OR6C75: variants seen among roughly 807,000 people sequenced by gnomAD.
The protein encoded by OR6C75 is olfactory receptor family 6 subfamily C member 75.
For synonymous variants in OR6C75, 149 were observed against 130.6 expected (o/e 1.14, Z -0.96); for missense variants, 380 against 368.0 (o/e 1.03, Z -0.27).
chr12:55,366,754 C>A lies in OR6C75; in HGVS notation c.*705C>A, dbSNP rs1869815160. 1.3e-5 allele frequency: 2 copies of A among 152,014 alleles called. No individual in the cohort carries two copies. Among genetic ancestry groups the A allele is most frequent in the South Asian group, 2.1e-4 (1 of 4,822 alleles). The allele number at this position is 152,014 out of a possible 1,614,324, so 9.4% of individuals were successfully genotyped here. On this transcript the variant is annotated 3_prime_UTR_variant, in exon 3 of 3. Coordinates refer to ENST00000641576, the MANE Select transcript of OR6C75 (RefSeq NM_001005497.2). ...TGTTGTTTGAATTAAGGCTGTATTA[C>A]TTTTTGTCTTAGCTTTCCTAGAAAA...
rs1869805024 is a variant in OR6C75 at position 55,366,341 on chromosome 12, T to A, written c.*292T>A. On this transcript the variant is annotated 3_prime_UTR_variant, in exon 3 of 3. Coordinates refer to ENST00000641576, the MANE Select transcript of OR6C75 (RefSeq NM_001005497.2). ...GATATACCTAAGGCTAGATGACGAG[T>A]TAGTGGGTGCAGCGCACCAGCATGG... 1 of 226,820 alleles carries A rather than the reference T, an allele frequency of 4.4e-6. No homozygotes were observed. The highest frequency in any genetic ancestry group is 8.7e-6 in the Non-Finnish European group (1 of 115,026). The allele number at this position is 226,820 out of a possible 1,614,324, so 14.1% of individuals were successfully genotyped here.
chr12:55,363,999 G>C (rs1417802331), intron 2 of OR6C75, 117 bp downstream of exon 2: 1 of 138,986 alleles, frequency 7.2e-6, no homozygotes, highest in Non-Finnish European at 1.5e-5. Context: ...TTTTTTCCGA[G>C]ACGGAGTCTG....
Position 55,363,874 on chromosome 12 carries a change from A to C in OR6C75, c.-244A>C, listed in dbSNP as rs946587468. ...AATGAAGGAAATACAGAAATAATTG[A>C]TTTATAAGGTAACAACAGAATTTTT... On this transcript the variant is annotated 5_prime_UTR_variant, in exon 2 of 3. Transcript: ENST00000641576. The C allele has an allele frequency of 6.6e-6, 1 of 152,082 alleles. No individual in the cohort carries two copies. Among genetic ancestry groups the C allele is most frequent in the African/African-American group, 2.4e-5 (1 of 41,434 alleles). 9.4% of individuals were successfully genotyped at this position (152,082 alleles called of 1,614,324 possible).
In OR6C75 at chr12:55,366,700, G is replaced by A. The variant is rs1413867750; in HGVS notation, c.*651G>A. On this transcript the variant is annotated 3_prime_UTR_variant, in exon 3 of 3. Coordinates refer to ENST00000641576, the MANE Select transcript of OR6C75 (RefSeq NM_001005497.2). ...ATGTGTGTAAACATTAAATAAAAGT[G>A]TAAGACAAATGTGCAGAGATATTAT... The A allele has an allele frequency of 6.6e-6, 1 of 152,050 alleles. No individual in the cohort carries two copies. Among genetic ancestry groups the A allele is most frequent in the Non-Finnish European group, 1.5e-5 (1 of 67,990 alleles). 9.4% of individuals were successfully genotyped at this position (152,050 alleles called of 1,614,324 possible). A position where few individuals can be genotyped will look rare whatever the true frequency, so the allele number is the denominator to read the frequency against.
At chr12:55,363,202 G>A (rs1869710518) in intron 1 of OR6C75, among the ~76,000 whole-genome samples, 153 bp downstream of exon 1, 1 of 152,082 alleles carries the variant, frequency 6.6e-6, no homozygotes, top group African/African-American at 2.4e-5. Context: ...AATACAAGAT[G>A]ATAGAGGAGA....
chr12:55,364,312 C>CTTTTTTTTTTTTTTCTT (rs1869739654), intron 2 of OR6C75, among the ~76,000 whole-genome samples: 1 of 17,164 alleles, frequency 5.8e-5, no homozygotes, highest in Non-Finnish European at 1.3e-4. Flanking sequence ...GTTTCTTTTC[C>CTTTTTTTTTTTTTTCTT]TTTTTTTTTT....
rs1318629901 is a variant in OR6C75 at position 55,365,204 on chromosome 12, A to T, written c.94A>T (p.Thr32Ser). The stretch of plus-strand genomic sequence containing the variant: ...TGTACTTTTCATATTTCTTCTTGTT[A>T]CCTACATGTTAAGTGTGACTGGGAA... ...QVVLFIFLLV[T>S]YMLSVTGNLI... Residue 32 changes from threonine (T) to serine (S), a missense_variant, in exon 3 of 3, where the codon ACC becomes TCC. Transcript: ENST00000641576. 1.9e-6 allele frequency: 3 copies of T among 1,612,516 alleles called. No homozygotes were observed. Among genetic ancestry groups the T allele is most frequent in the East Asian group, 2.2e-5 (1 of 44,884 alleles).
rs560533820 is a variant in OR6C75 at position 55,365,769 on chromosome 12, T to C, written c.659T>C (p.Ile220Thr). 1 of 1,614,012 alleles carries C rather than the reference T, an allele frequency of 6.2e-7. No homozygotes were observed. ...GTTATTCTCTCCTACACAAACATCA[T>C]CCGGACAATTCTGAAAATTCCTTCT... ...TLVILSYTNIIRTILKIPSMS... is the reference protein window; with the variant it reads ...TLVILSYTNITRTILKIPSMS... The change falls in exon 3 of 3, where the codon ATC becomes ACC. Residue 220 changes from isoleucine to threonine, a missense_variant. Ile to Thr is a moderately conservative substitution (Grantham distance 89). Transcript: ENST00000641576.
chr12:55,368,072 G>C lies in OR6C75; in HGVS notation c.*2023G>C, dbSNP rs1311317407. 6.6e-6 allele frequency: 1 copy of C among 152,254 alleles called. No homozygotes were observed. The highest frequency in any genetic ancestry group is 1.5e-5 in the Non-Finnish European group (1 of 68,134). The allele number at this position is 152,254 out of a possible 1,614,324, so 9.4% of individuals were successfully genotyped here. On this transcript the variant is annotated 3_prime_UTR_variant, in exon 3 of 3. Coordinates refer to ENST00000641576, the MANE Select transcript of OR6C75 (RefSeq NM_001005497.2). ...TACACCTGTGGTCCCAGCTACTCAA[G>C]AAGATGAGGTGGGAGAATTGCTTGG...
Position 55,365,889 on chromosome 12 carries a change from C to A in OR6C75, c.779C>A (p.Thr260Asn), listed in dbSNP as rs1869790757. 6.2e-7 allele frequency: 1 copy of A among 1,613,930 alleles called. No homozygotes were observed. The highest frequency in any genetic ancestry group is 8.5e-7 in the Non-Finnish European group (1 of 1,179,944). The change falls in exon 3 of 3, where the codon ACT becomes AAT. Residue 260 changes from threonine to asparagine, a missense_variant. By Grantham distance (65) the Thr-to-Asn change is moderately conservative. Coordinates refer to ENST00000641576, the MANE Select transcript of OR6C75 (RefSeq NM_001005497.2). Reference sequence around the variant, plus strand: ...AGCTGTATCTTCATGTACATTAAGACTTCTGCCAGAGAAAGGGTGACTTTA... The same window carrying A: ...AGCTGTATCTTCATGTACATTAAGAATTCTGCCAGAGAAAGGGTGACTTTA... ...YSSCIFMYIK[T>N]SARERVTLSK...
intron 2 of OR6C75, among the ~76,000 whole-genome samples, 169 bp from the exon 3 acceptor site, chr12:55,364,707 C>A (rs7487798): frequency 3.9e-5 from 6 of 151,984 alleles, no homozygotes; most frequent in Non-Finnish European, 8.8e-5. Flanking sequence ...GGATTACTAC[C>A]TCCAAGCAAA....
chr12:55,368,743 T>C lies in OR6C75; in HGVS notation c.*2694T>C, dbSNP rs1446867599. 1 of 152,232 alleles carries C rather than the reference T, an allele frequency of 6.6e-6. No homozygotes were observed. The highest frequency in any genetic ancestry group is 6.5e-5 in the Admixed American group (1 of 15,268). The allele number at this position is 152,232 out of a possible 1,614,324, so 9.4% of individuals were successfully genotyped here. Reference sequence around the variant, plus strand: ...TGATTCCTTGATTTTCAGCTTTGTCTGATATACAGGTGAATGTAAAGAGCT... The same window carrying C: ...TGATTCCTTGATTTTCAGCTTTGTCCGATATACAGGTGAATGTAAAGAGCT... On this transcript the variant is annotated 3_prime_UTR_variant, in exon 3 of 3. Coordinates refer to ENST00000641576, the MANE Select transcript of OR6C75 (RefSeq NM_001005497.2).
Position 55,368,293 on chromosome 12 carries a change from C to G in OR6C75, c.*2244C>G, listed in dbSNP as rs1236976238. The stretch of plus-strand genomic sequence containing the variant: ...AGGAGTTCAAGACCAGCCTGGACAG[C>G]ATAGCAAGACCCTATCTCTACTTAA... On this transcript the variant is annotated 3_prime_UTR_variant, in exon 3 of 3. Coordinates refer to ENST00000641576, the MANE Select transcript of OR6C75 (RefSeq NM_001005497.2). The G allele has an allele frequency of 1.3e-5, 2 of 151,940 alleles. No individual in the cohort carries two copies. Among genetic ancestry groups the G allele is most frequent in the South Asian group, 2.1e-4 (1 of 4,810 alleles). The allele number at this position is 151,940 out of a possible 1,614,324, so 9.4% of individuals were successfully genotyped here. A position where few individuals can be genotyped will look rare whatever the true frequency, so the allele number is the denominator to read the frequency against.
In OR6C75 at chr12:55,366,590, T is replaced by C. The variant is rs1413957935; in HGVS notation, c.*541T>C. The C allele has an allele frequency of 6.6e-6, 1 of 152,108 alleles. No individual in the cohort carries two copies. The highest frequency in any genetic ancestry group is 2.4e-5 in the African/African-American group (1 of 41,460). The allele number at this position is 152,108 out of a possible 1,614,324, so 9.4% of individuals were successfully genotyped here. ...TAATTAATATATCTAAAATTTTTTCTTCAATGTCACCAGGAAAAACATGTT... is the reference window on the plus strand; with the variant it reads ...TAATTAATATATCTAAAATTTTTTCCTCAATGTCACCAGGAAAAACATGTT... On this transcript the variant is annotated 3_prime_UTR_variant, in exon 3 of 3. Transcript: ENST00000641576.
In OR6C75 at chr12:55,364,083, A is replaced by G. The variant is rs138532840; in HGVS notation, c.-236+201A>G. On this transcript the variant is annotated intron_variant, in intron 2 of 2. Coordinates refer to ENST00000641576, the MANE Select transcript of OR6C75 (RefSeq NM_001005497.2). ...AACCTCCGCCTCCTGGGTTCAAGCA[A>G]TTCTCCTGCCTCAGCCTCTGGAGTA... Among the ~76,000 whole-genome samples the G allele has an allele frequency of 3.6e-3, 544 of 150,516 alleles. 6 individuals are homozygous for G. The highest frequency in any genetic ancestry group is 0.013 in the African/African-American group (527 of 40,892).
chr12:55,367,835 GTAGCATT>G lies in OR6C75; in HGVS notation c.*1788_*1794del, dbSNP rs1274343934. ...ATATAAAATCAACATAGAAAAGTCA[GTAGCATT>G]TCTATACACCAATAACATTCAAGCT... On this transcript the variant is annotated 3_prime_UTR_variant, in exon 3 of 3. Coordinates refer to ENST00000641576, the MANE Select transcript of OR6C75 (RefSeq NM_001005497.2). 6.6e-6 allele frequency: 1 copy of G among 152,132 alleles called. No individual in the cohort carries two copies. The highest frequency in any genetic ancestry group is 2.4e-5 in the African/African-American group (1 of 41,436). 9.4% of individuals were successfully genotyped at this position (152,132 alleles called of 1,614,324 possible).
chr12:55,365,326 G>A lies in OR6C75; in HGVS notation c.216G>A (p.Thr72=), dbSNP rs750182601. Residue 72 remains threonine (T), a synonymous_variant, in exon 3 of 3, where the codon ACG becomes ACA. Coordinates refer to ENST00000641576, the MANE Select transcript of OR6C75 (RefSeq NM_001005497.2). ...TCTCATTCCTGGAAATTTCATTCAC[G>A]TCTGTCTGCATTCCCAGATTCCTTG... ...RNFSFLEISF[T]SVCIPRFLVT... The A allele has an allele frequency of 2.9e-5, 47 of 1,613,718 alleles. No individual in the cohort carries two copies. The highest frequency in any genetic ancestry group is 4.0e-5 in the African/African-American group (3 of 74,834).
Position 55,366,338 on chromosome 12 carries a change from G to A in OR6C75, c.*289G>A, listed in dbSNP as rs1191403211. On this transcript the variant is annotated 3_prime_UTR_variant, in exon 3 of 3. Coordinates refer to ENST00000641576, the MANE Select transcript of OR6C75 (RefSeq NM_001005497.2). The stretch of plus-strand genomic sequence containing the variant: ...GGAGATATACCTAAGGCTAGATGAC[G>A]AGTTAGTGGGTGCAGCGCACCAGCA... 8.8e-6 allele frequency: 2 copies of A among 226,772 alleles called. No homozygotes were observed. Among genetic ancestry groups the A allele is most frequent in the South Asian group, 1.5e-4 (2 of 13,100 alleles). 14.0% of individuals were successfully genotyped at this position (226,772 alleles called of 1,614,324 possible).
In OR6C75 at chr12:55,368,544, A is replaced by T. The variant is rs1869855683; in HGVS notation, c.*2495A>T. On this transcript the variant is annotated 3_prime_UTR_variant, in exon 3 of 3. Coordinates refer to ENST00000641576, the MANE Select transcript of OR6C75 (RefSeq NM_001005497.2). ...AGTACAGGAGGTGGAGGCTACAGTGAGCCAAGATTGCACCACTGCACTCCA... is the reference window on the plus strand; with the variant it reads ...AGTACAGGAGGTGGAGGCTACAGTGTGCCAAGATTGCACCACTGCACTCCA... The T allele has an allele frequency of 6.6e-6, 1 of 152,226 alleles. No homozygotes were observed. Among genetic ancestry groups the T allele is most frequent in the Non-Finnish European group, 1.5e-5 (1 of 68,054 alleles). 9.4% of individuals were successfully genotyped at this position (152,226 alleles called of 1,614,324 possible). A position where few individuals can be genotyped will look rare whatever the true frequency, so the allele number is the denominator to read the frequency against.
Sources: gnomAD v4.1 joint callset for allele counts (sites outside exome capture counted in the v4.1 genomes callset) on GRCh38, gnomAD v4.1.1 for gene constraint, MANE v1.5 for transcripts, NCBI Gene and HGNC (gene_info 2026-07-23, HGNC 2026-07-21) for gene names.